Variants in SPATA16 observed in about 807,000 individuals in gnomAD.
SPATA16 encodes spermatogenesis associated 16, also known as spermatogenesis-associated protein 16.
In SPATA16, 36 loss-of-function variants were observed where a neutral mutation model predicts 63.3. That is an observed-to-expected ratio of 0.57 (90% CI 0.44 to 0.75). The LOEUF is 0.75. SPATA16 is among the 30% of genes least tolerant of loss of function. SPATA16 has a pLI of 0.00. For synonymous variants in SPATA16, 203 were observed against 216.7 expected (o/e 0.94, Z 0.56); for missense variants, 646 against 679.3 (o/e 0.95, Z 0.54).
chr3:172,977,007 C>T lies in SPATA16; in HGVS notation c.894G>A (p.Arg298=). 6.2e-7 allele frequency: 1 copy of T among 1,611,706 alleles called. No individual in the cohort carries two copies. Among genetic ancestry groups the T allele is most frequent in the Non-Finnish European group, 8.5e-7 (1 of 1,179,344 alleles). ...TGATGAGCTTGCTTATGCTCTCTTC[C>T]CTTCCTCCACCAAGCCAGAACATGT... is the stretch of plus-strand genomic sequence containing the variant. ...ADYMFWLGGG[R]EESISKLIKL... Residue 298 remains arginine (R), a synonymous_variant, in exon 5 of 11, where the codon AGG becomes AGA. Transcript: ENST00000351008.
chr3:172,999,693 C>T (rs539768050), intron 4 of SPATA16, among the ~76,000 whole-genome samples: 24 of 152,292 alleles, frequency 1.6e-4, no homozygotes, highest in African/African-American at 5.8e-4. Context: ...GGATTACAGG[C>T]GTGAGCCACT....
chr3:173,074,461 C>T (rs1233872907), intron 2 of SPATA16, among the ~76,000 whole-genome samples: 1 of 152,108 alleles, frequency 6.6e-6, no homozygotes, highest in East Asian at 1.9e-4. Flanking sequence ...GTGAATAAGT[C>T]TCATGAGATC....
chr3:172,895,585 G>A (rs996786705), intron 10 of SPATA16, among the ~76,000 whole-genome samples: 5 of 151,942 alleles, frequency 3.3e-5, no homozygotes, highest in South Asian at 2.1e-4. Flanking sequence ...TTCTGCTTGC[G>A]TCAGCCTCCC....
chr3:173,006,855 AG>A (rs1437923483), intron 4 of SPATA16, among the ~76,000 whole-genome samples: 29 of 152,188 alleles, frequency 1.9e-4, no homozygotes, highest in African/African-American at 7.0e-4. Flanking sequence ...GAAAAAAAAA[AG>A]AAAGAAATAA....
intron 4 of SPATA16, among the ~76,000 whole-genome samples, chr3:173,012,728 CA>C (rs1735099503): frequency 6.6e-6 from 1 of 152,174 alleles, no homozygotes; most frequent in Non-Finnish European, 1.5e-5. Flanking sequence ...TAGCCATATG[CA>C]GAAGAATGAA....
At position 172,913,559 on chromosome 3, in the gene SPATA16, C is replaced by T. The variant is rs952489569; in HGVS notation, c.1587+102G>A. 1.2e-5 allele frequency: 14 copies of T among 1,159,374 alleles called. No homozygotes were observed. In the Admixed American group the frequency reaches 2.8e-4, roughly 23 times the overall value. 71.8% of individuals were successfully genotyped at this position (1,159,374 alleles called of 1,614,324 possible). Reference sequence around the variant, plus strand: ...TAAAAAAGGAAAACAAAAAAACAAACCAAAGAACTTGGGTTTCTTTTTATC... The same window carrying T: ...TAAAAAAGGAAAACAAAAAAACAAATCAAAGAACTTGGGTTTCTTTTTATC... On this transcript the variant is annotated intron_variant, in intron 10 of 10. Transcript: ENST00000351008.
rs373142377 is a variant in SPATA16 at position 172,913,651 on chromosome 3, A to C, written c.1587+10T>G. 41 of 1,612,634 alleles carry C rather than the reference A, an allele frequency of 2.5e-5. No individual in the cohort carries two copies. In the African/African-American group the frequency reaches 5.3e-4, roughly 21 times the overall value. Reference sequence around the variant, plus strand: ...ATAATAGATCTTTTTCCTTCAGCTCAAAGTTTTACCTTTTGGATCATATTC... The same window carrying C: ...ATAATAGATCTTTTTCCTTCAGCTCCAAGTTTTACCTTTTGGATCATATTC... On this transcript the variant is annotated intron_variant, in intron 10 of 10. Coordinates refer to ENST00000351008, the MANE Select transcript of SPATA16 (RefSeq NM_031955.6).
chr3:173,062,574 C>A (rs1736404709), intron 2 of SPATA16, among the ~76,000 whole-genome samples: 1 of 152,052 alleles, frequency 6.6e-6, no homozygotes, highest in South Asian at 2.1e-4. Flanking sequence ...TGAGATAAGA[C>A]TGACTAACTT....
chr3:173,043,548 C>G (rs1170512599), intron 3 of SPATA16, among the ~76,000 whole-genome samples: 2 of 151,812 alleles, frequency 1.3e-5, no homozygotes, highest in East Asian at 3.9e-4. Context: ...AAACATTTAT[C>G]TTTAAGGACA....
At chr3:172,894,831 A>G (rs1004453387) in intron 10 of SPATA16, among the ~76,000 whole-genome samples, 5 of 152,202 alleles carry the variant, frequency 3.3e-5, no homozygotes, top group African/African-American at 1.2e-4. Context: ...AGAGTGCACC[A>G]ACTATGAACC....
rs1196191184 is a variant in SPATA16, at chr3:173,109,619, A to C, written c.612+7501T>G. Among the ~76,000 whole-genome samples the C allele has an allele frequency of 2.0e-5, 3 of 152,212 alleles. No homozygotes were observed. In the South Asian group the frequency reaches 6.2e-4, roughly 32 times the overall value. On this transcript the variant is annotated intron_variant, in intron 2 of 10. Transcript: ENST00000351008. ...GTTGGGATGATAACCATTGAAGGTA[A>C]ATAAATTACACTAAAATATGTTGGA... is the stretch of plus-strand genomic sequence containing the variant.
chr3:173,033,951 T>C (rs934620086), intron 3 of SPATA16, among the ~76,000 whole-genome samples: 2 of 152,158 alleles, frequency 1.3e-5, no homozygotes, highest in African/African-American at 4.8e-5. Flanking sequence ...GTGATCTGTC[T>C]GCCTCAGCCT....
chr3:172,935,474 A>G (rs1732963564), intron 6 of SPATA16, among the ~76,000 whole-genome samples: 2 of 152,258 alleles, frequency 1.3e-5, no homozygotes, highest in Admixed American at 1.3e-4. Flanking sequence ...GCTTAGTAAG[A>G]TATATAATTT....
At chr3:173,099,412 T>C (rs934863191) in intron 2 of SPATA16, among the ~76,000 whole-genome samples, 10 of 152,206 alleles carry the variant, frequency 6.6e-5, no homozygotes, top group African/African-American at 2.4e-4. Flanking sequence ...GGTATGTATG[T>C]ATAAGAAAAA....
intron 4 of SPATA16, among the ~76,000 whole-genome samples, chr3:173,003,991 TG>T: frequency 6.6e-6 from 1 of 152,350 alleles, no homozygotes; most frequent in Non-Finnish European, 1.5e-5. Context: ...TAGGGTCATT[TG>T]CAATTCTGGG....
chr3:172,961,414 A>C (rs921881872), intron 5 of SPATA16, among the ~76,000 whole-genome samples: 1 of 152,148 alleles, frequency 6.6e-6, no homozygotes, highest in South Asian at 2.1e-4. Context: ...TTTTCTTTTG[A>C]GATGGAGTTT....
chr3:172,911,417 C>T (rs1476557226), intron 10 of SPATA16, among the ~76,000 whole-genome samples: 1 of 152,130 alleles, frequency 6.6e-6, no homozygotes, highest in African/African-American at 2.4e-5. Context: ...TTGGCCATTC[C>T]AACTTCTCTT....
At chr3:173,046,942 C>G (rs1735971305) in intron 3 of SPATA16, among the ~76,000 whole-genome samples, 1 of 151,826 alleles carries the variant, frequency 6.6e-6, no homozygotes, top group Admixed American at 6.6e-5. Flanking sequence ...ACTTAATGTT[C>G]AACTTAGGAA....
chr3:173,070,764 A>G (rs1223408045), intron 2 of SPATA16, among the ~76,000 whole-genome samples: 2 of 152,212 alleles, frequency 1.3e-5, no homozygotes, highest in Non-Finnish European at 2.9e-5. Context: ...AAGAAGTAAA[A>G]GATTTCTACA....
Sources: gnomAD v4.1 joint callset for allele counts (sites outside exome capture counted in the v4.1 genomes callset) on GRCh38, gnomAD v4.1.1 for gene constraint, MANE v1.5 for transcripts, NCBI Gene and HGNC (gene_info 2026-07-23, HGNC 2026-07-21) for gene names.